The following MAP3K20 variants were observed in gnomAD, a reference collection of about 807,000 sequenced individuals.
MAP3K20 encodes HCCS-4.
A neutral mutation model predicts 85.7 loss-of-function variants in MAP3K20; 40 were observed. That is an observed-to-expected ratio of 0.47 (90% CI 0.36 to 0.61). The LOEUF (loss-of-function observed/expected upper bound fraction) is 0.61. MAP3K20 is among the 20% of genes least tolerant of loss of function. The pLI is 0.00. For synonymous variants in MAP3K20, 325 were observed against 327.7 expected (o/e 0.99, Z 0.09); for missense variants, 817 against 961.7 (o/e 0.85, Z 1.99).
chr2:173,236,833 G>A (rs3754737), intron 14 of MAP3K20, among the ~76,000 whole-genome samples: 16,943 of 152,070 alleles, frequency 0.11, 1,601 homozygotes, highest in East Asian at 0.56. Flanking sequence ...GTAGCTCCAC[G>A]CTGGAGGAGT....
chr2:173,208,395 C>CT (rs923409300), intron 9 of MAP3K20, among the ~76,000 whole-genome samples: 2 of 67,966 alleles, frequency 2.9e-5, no homozygotes, highest in Non-Finnish European at 5.3e-5. Context: ...AAGACTCTGT[C>CT]TTAAAAAAAA....
At chr2:173,114,901 C>T (rs1688073672) in intron 2 of MAP3K20, among the ~76,000 whole-genome samples, 1 of 152,142 alleles carries the variant, frequency 6.6e-6, no homozygotes, top group Non-Finnish European at 1.5e-5. Context: ...GATCTTTTTG[C>T]AGTGAATTTC....
intron 3 of MAP3K20, among the ~76,000 whole-genome samples, chr2:173,171,761 C>A (rs148844667): frequency 6.6e-6 from 1 of 152,174 alleles, no homozygotes; most frequent in African/African-American, 2.4e-5. Flanking sequence ...GGATCTATAT[C>A]TCTTTCCCTG....
chr2:173,221,564 T>G (rs775562435), intron 11 of MAP3K20: 21 of 1,462,368 alleles, frequency 1.4e-5, no homozygotes, highest in Non-Finnish European at 4.5e-6. Context: ...TCACAAATGT[T>G]TGGAAAACAC....
rs1686835578 is a variant in MAP3K20 at position 173,075,954 on chromosome 2, C to T, written c.-83C>T. 8 of 985,164 alleles carry T rather than the reference C, an allele frequency of 8.1e-6. No individual in the cohort carries two copies. Among genetic ancestry groups the T allele is most frequent in the Non-Finnish European group, 8.4e-6 (7 of 829,890 alleles). The allele number at this position is 985,164 out of a possible 1,614,324, so 61.0% of individuals were successfully genotyped here. ...CAACCCCCGCCGCCCTCGTCGCGCG[C>T]GGGGCCTCCGCGCCCCCGGCTGCTG... On this transcript the variant is annotated 5_prime_UTR_variant, in exon 1 of 20. Coordinates refer to ENST00000375213, the MANE Select transcript of MAP3K20 (RefSeq NM_016653.3).
intron 2 of MAP3K20, among the ~76,000 whole-genome samples, chr2:173,128,603 A>G (rs1688516094): frequency 6.6e-6 from 1 of 152,080 alleles, no homozygotes; most frequent in Non-Finnish European, 1.5e-5. Flanking sequence ...AAGTGCTGGG[A>G]TTACAGGTTT....
At chr2:173,221,650 A>G (rs1684254525) in intron 11 of MAP3K20, 3 of 1,355,832 alleles carry the variant, frequency 2.2e-6, no homozygotes, top group Non-Finnish European at 2.9e-6. Flanking sequence ...TTTTAGGCCA[A>G]TCACATTTAC....
intron 16 of MAP3K20, among the ~76,000 whole-genome samples, chr2:173,243,467 T>A (rs1354162612): frequency 6.6e-6 from 1 of 152,086 alleles, no homozygotes. Flanking sequence ...AACTCAAGCA[T>A]CCTCCCTCTA....
intron 18 of MAP3K20, 38 bp from the exon 19 acceptor site, chr2:173,263,707 G>T (rs528108373): frequency 7.8e-5 from 124 of 1,583,948 alleles, no homozygotes; most frequent in Non-Finnish European, 1.0e-4. Flanking sequence ...GTTTCTATTT[G>T]TCTTTTTTTT....
chr2:173,234,732 C>T (rs1219186454), intron 14 of MAP3K20, among the ~76,000 whole-genome samples: 5 of 152,112 alleles, frequency 3.3e-5, no homozygotes, highest in Admixed American at 6.5e-5. Flanking sequence ...CTGCAGAACA[C>T]GGGTGATGAG....
At chr2:173,095,748 T>G (rs909497338) in intron 2 of MAP3K20, among the ~76,000 whole-genome samples, 1 of 152,244 alleles carries the variant, frequency 6.6e-6, no homozygotes, top group Non-Finnish European at 1.5e-5. Context: ...AATTGATTTC[T>G]CTTCCATTTG....
chr2:173,116,263 C>G (rs547357143), intron 2 of MAP3K20, among the ~76,000 whole-genome samples: 1 of 152,134 alleles, frequency 6.6e-6, no homozygotes, highest in African/African-American at 2.4e-5. Flanking sequence ...CACATACTTA[C>G]GATAGATCTG....
intron 2 of MAP3K20, among the ~76,000 whole-genome samples, chr2:173,120,161 T>A: frequency 6.6e-6 from 1 of 152,214 alleles, no homozygotes; most frequent in Admixed American, 6.5e-5. Context: ...TTTCTGTAAC[T>A]AGTCATGATC....
chr2:173,229,858 T>C, intron 12 of MAP3K20, 125 bp downstream of exon 12: 1 of 1,029,250 alleles, frequency 9.7e-7, no homozygotes, highest in Non-Finnish European at 1.5e-6. Flanking sequence ...CAAATTCTTT[T>C]CTCACTCTGT....
At chr2:173,090,927 C>G in intron 1 of MAP3K20, 71 bp from the exon 2 acceptor site, 1 of 1,469,908 alleles carries the variant, frequency 6.8e-7, no homozygotes, top group South Asian at 1.5e-5. Flanking sequence ...GATATATTAT[C>G]TAAAGTAGGA....
At chr2:173,243,405 G>A (rs1684838844) in intron 16 of MAP3K20, among the ~76,000 whole-genome samples, 1 of 152,154 alleles carries the variant, frequency 6.6e-6, no homozygotes, top group Non-Finnish European at 1.5e-5. Flanking sequence ...ATGAAGCCAG[G>A]AAAACACAGG....
chr2:173,238,461 C>T (rs1684703099), intron 15 of MAP3K20, 26 bp downstream of exon 15: 1 of 1,583,734 alleles, frequency 6.3e-7, no homozygotes, highest in Non-Finnish European at 8.7e-7. Flanking sequence ...CTTACCGACA[C>T]TAATGCTACC....
intron 3 of MAP3K20, among the ~76,000 whole-genome samples, chr2:173,172,280 G>C (rs187699992): frequency 1.3e-5 from 2 of 151,956 alleles, no homozygotes; most frequent in East Asian, 1.9e-4. Context: ...AAATAGTGGA[G>C]GCTCTGAAGG....
chr2:173,169,852 T>C lies in MAP3K20; in HGVS notation c.207T>C (p.Tyr69=), dbSNP rs968086244. ...GTCACAGAAACATCATCCAGTTTTATGGAGTAATTCTTGAACCTCCCAACT... is the reference window on the plus strand; with the variant it reads ...GTCACAGAAACATCATCCAGTTTTACGGAGTAATTCTTGAACCTCCCAACT... ...VLSHRNIIQF[Y]GVILEPPNYG... The change falls in exon 3 of 20, where the codon TAT becomes TAC. Residue 69 remains tyrosine, a synonymous_variant. Transcript: ENST00000375213. 3 of 1,613,930 alleles carry C rather than the reference T, an allele frequency of 1.9e-6. No individual in the cohort carries two copies. Among genetic ancestry groups the C allele is most frequent in the South Asian group, 2.2e-5 (2 of 91,056 alleles).
Sources: gnomAD v4.1 joint callset for allele counts (sites outside exome capture counted in the v4.1 genomes callset) on GRCh38, gnomAD v4.1.1 for gene constraint, MANE v1.5 for transcripts, NCBI Gene and HGNC (gene_info 2026-07-23, HGNC 2026-07-21) for gene names.